Variants in DOCK9 observed in about 807,000 individuals in gnomAD.
DOCK9 encodes dedicator of cytokinesis 9.
Under a neutral mutation model 263.3 loss-of-function variants are expected in DOCK9, and 89 were observed. That is an observed-to-expected ratio of 0.34 (90% confidence interval 0.28 to 0.40). DOCK9 has a LOEUF of 0.40. Among genes scored for constraint, DOCK9 ranks in the 10% least tolerant of loss-of-function variants. The pLI, the probability that DOCK9 is intolerant of heterozygous loss-of-function variation, is 1.00. For synonymous variants in DOCK9, 976 were observed against 973.1 expected (o/e 1.00, Z -0.06); for missense variants, 2,140 against 2,603.4 (o/e 0.82, Z 3.87).
chr13:98,848,823 T>C (rs2093470812), intron 36 of DOCK9, among the ~76,000 whole-genome samples, 184 bp from the exon 37 acceptor site: 1 of 152,140 alleles, frequency 6.6e-6, no homozygotes, highest in South Asian at 2.1e-4. Context: ...CCCAGAGAAA[T>C]TTATTAACCT....
intron 27 of DOCK9, among the ~76,000 whole-genome samples, chr13:98,873,970 C>T (rs1419268756): frequency 6.6e-6 from 1 of 152,170 alleles, no homozygotes; most frequent in African/African-American, 2.4e-5. Context: ...CCTTTCTTCC[C>T]CCACTCAAGT....
chr13:98,996,627 G>A (rs1324492423), intron 1 of DOCK9, among the ~76,000 whole-genome samples: 2 of 152,180 alleles, frequency 1.3e-5, no homozygotes, highest in Non-Finnish European at 2.9e-5. Context: ...GGCTTTGAAT[G>A]CAGCCCAACA....
intron 1 of DOCK9, among the ~76,000 whole-genome samples, chr13:98,964,319 C>A (rs1424017326): frequency 6.6e-6 from 1 of 152,150 alleles, no homozygotes; most frequent in Non-Finnish European, 1.5e-5. Context: ...CAGCACCCAG[C>A]ATAGCAGAAG....
chr13:99,061,125 T>C (rs528836689), intron 1 of DOCK9, among the ~76,000 whole-genome samples: 61 of 152,332 alleles, frequency 4.0e-4, no homozygotes, highest in African/African-American at 1.4e-3. Context: ...ACTGAAAGTA[T>C]ACTCTACTGA....
chr13:99,032,525 C>T (rs994634863), intron 1 of DOCK9, among the ~76,000 whole-genome samples: 6 of 150,802 alleles, frequency 4.0e-5, no homozygotes, highest in East Asian at 3.9e-4. Context: ...TTCAAATATA[C>T]GCACCCCTAA....
intron 37 of DOCK9, 127 bp downstream of exon 37, chr13:98,848,465 T>C: frequency 1.1e-6 from 1 of 927,476 alleles, no homozygotes; most frequent in Non-Finnish European, 1.7e-6. Flanking sequence ...TCCAAGGGCC[T>C]GCCATCAGTC....
intron 9 of DOCK9, among the ~76,000 whole-genome samples, chr13:98,910,662 G>A (rs1357188195): frequency 1.3e-5 from 2 of 152,126 alleles, no homozygotes; most frequent in East Asian, 1.9e-4. Context: ...GGTTAGAGGA[G>A]CTGATTAGAA....
At chr13:98,939,567 A>T (rs1019098365) in intron 2 of DOCK9, among the ~76,000 whole-genome samples, 2 of 152,210 alleles carry the variant, frequency 1.3e-5, no homozygotes, top group Non-Finnish European at 2.9e-5. Context: ...AAGGAAGGGC[A>T]AATCTTAGGG....
chr13:98,917,006 G>A (rs2050994806), intron 7 of DOCK9, among the ~76,000 whole-genome samples: 2 of 152,060 alleles, frequency 1.3e-5, no homozygotes, highest in Admixed American at 6.6e-5. Flanking sequence ...TTTACAAACA[G>A]ACACAGATAA....
chr13:98,821,630 A>G (rs183191772), intron 45 of DOCK9, among the ~76,000 whole-genome samples: 34 of 152,050 alleles, frequency 2.2e-4, no homozygotes, highest in African/African-American at 6.5e-4. Context: ...GAATTCTTCA[A>G]TCTACACAGG....
chr13:98,964,086 GTGC>G (rs1283454007), intron 1 of DOCK9, among the ~76,000 whole-genome samples: 2 of 152,194 alleles, frequency 1.3e-5, no homozygotes, highest in African/African-American at 4.8e-5. Context: ...CACATGCACT[GTGC>G]CAGAGACATC....
Position 98,814,347 on chromosome 13 carries a change from T to C in DOCK9, c.5131-4056A>G, listed in dbSNP as rs2091606307. 2.7e-5 allele frequency among the ~76,000 whole-genome samples: 4 copies of C among 149,974 alleles called. No individual in the cohort carries two copies. In the South Asian group the frequency reaches 6.4e-4, roughly 24 times the overall value. On this transcript the variant is annotated intron_variant, in intron 45 of 52. Transcript: ENST00000682017. ...CATAGCAGCAAATGACATGAAGAAATCAGAAAAGGTTTTCACACCCACTCT... is the reference window on the plus strand; with the variant it reads ...CATAGCAGCAAATGACATGAAGAAACCAGAAAAGGTTTTCACACCCACTCT...
rs775909320 is a variant in DOCK9 at position 98,860,531 on chromosome 13, G to A, written c.3580-9C>T. On this transcript the variant is annotated splice_polypyrimidine_tract_variant and intron_variant, in intron 32 of 52. Transcript: ENST00000682017. Reference sequence around the variant, plus strand: ...GATTCATCCTTCACAGTCTGTCAAGGAGAGGAAAGCAGAAACAATCAAAGA... The same window carrying A: ...GATTCATCCTTCACAGTCTGTCAAGAAGAGGAAAGCAGAAACAATCAAAGA... The A allele has an allele frequency of 1.9e-5, 30 of 1,553,282 alleles. No homozygotes were observed. Among genetic ancestry groups the A allele is most frequent in the Middle Eastern group, 3.6e-4 (2 of 5,590 alleles).
intron 1 of DOCK9, among the ~76,000 whole-genome samples, chr13:98,956,943 A>C (rs2058126374): frequency 6.6e-6 from 1 of 152,172 alleles, no homozygotes; most frequent in South Asian, 2.1e-4. Flanking sequence ...GAGGCTTGCT[A>C]TTTGTTTCCA....
At chr13:98,877,630 G>A (rs1321081833) in intron 27 of DOCK9, among the ~76,000 whole-genome samples, 4 of 152,020 alleles carry the variant, frequency 2.6e-5, no homozygotes, top group East Asian at 1.9e-4. Flanking sequence ...TGCAACTGAT[G>A]CCTCTTCCAG....
chr13:98,966,666 A>C (rs2059227707), intron 1 of DOCK9, among the ~76,000 whole-genome samples: 1 of 152,212 alleles, frequency 6.6e-6, no homozygotes, highest in Non-Finnish European at 1.5e-5. Flanking sequence ...ATGTACTTTA[A>C]GCTACTTATT....
At chr13:98,925,945 G>C (rs200721539) in intron 3 of DOCK9, 26 bp from the exon 4 acceptor site, 3 of 1,513,592 alleles carry the variant, frequency 2.0e-6, no homozygotes, top group Non-Finnish European at 2.7e-6. Context: ...TTTAAAAATA[G>C]AAAATAAAAA....
intron 1 of DOCK9, among the ~76,000 whole-genome samples, chr13:98,962,380 T>C (rs2058728126): frequency 6.6e-6 from 1 of 152,218 alleles, no homozygotes; most frequent in African/African-American, 2.4e-5. Flanking sequence ...TTATTTTTCT[T>C]AAAGAAAGCC....
chr13:98,932,676 C>G (rs1197039889), intron 2 of DOCK9, among the ~76,000 whole-genome samples: 3 of 152,154 alleles, frequency 2.0e-5, no homozygotes, highest in Non-Finnish European at 4.4e-5. Context: ...CCTGTATTTT[C>G]TCTCTCTGTT....
Sources: allele counts gnomAD v4.1 joint callset (sites outside exome capture counted in the v4.1 genomes callset), GRCh38; gene constraint gnomAD v4.1.1; transcripts MANE v1.5; gene names NCBI Gene and HGNC (gene_info 2026-07-23, HGNC 2026-07-21).